Variants in LRP1B observed in about 807,000 individuals in gnomAD.
LRP1B encodes low-density lipoprotein receptor-related protein 1B.
LRP1B carries 217 observed loss-of-function variants against 556.6 expected under a neutral mutation model. The observed-to-expected ratio is 0.39, with a 90% confidence interval of 0.35 to 0.44. LRP1B has a LOEUF of 0.44. LRP1B is among the 20% of genes least tolerant of loss of function. LRP1B has a pLI of 1.00. For missense variants in LRP1B, 5,053 were observed against 5,620.8 expected (o/e 0.90, Z 3.23); for synonymous variants, 2,047 against 1,865.8 (o/e 1.10, Z -2.50).
At chr2:140,366,954 T>C (rs1490789262) in intron 71 of LRP1B, among the ~76,000 whole-genome samples, 1 of 151,636 alleles carries the variant, frequency 6.6e-6, no homozygotes, top group Non-Finnish European at 1.5e-5. Context: ...ATTAATGTAA[T>C]GAGTTTCTGG....
intron 7 of LRP1B, among the ~76,000 whole-genome samples, chr2:141,142,203 A>G (rs1701669889): frequency 6.6e-6 from 1 of 152,188 alleles, no homozygotes; most frequent in Non-Finnish European, 1.5e-5. Flanking sequence ...TTCTCACCAG[A>G]TGCTGTCTCA....
At chr2:142,068,300 G>A (rs929861301) in intron 1 of LRP1B, among the ~76,000 whole-genome samples, 1 of 151,424 alleles carries the variant, frequency 6.6e-6, no homozygotes, top group African/African-American at 2.4e-5. Context: ...CATATATTTT[G>A]TCTAATTGTG....
intron 2 of LRP1B, among the ~76,000 whole-genome samples, chr2:141,617,285 G>C (rs1244084362): frequency 1.3e-5 from 2 of 152,130 alleles, no homozygotes; most frequent in Non-Finnish European, 2.9e-5. Flanking sequence ...AAGAAGTTTA[G>C]GGAGAAGAAA....
chr2:141,209,138 A>G (rs964990996), intron 6 of LRP1B, among the ~76,000 whole-genome samples: 6 of 152,148 alleles, frequency 3.9e-5, no homozygotes, highest in Admixed American at 3.9e-4. Flanking sequence ...AAGGAAATCT[A>G]GAACTGATAC....
chr2:140,997,493 T>C (rs1323151660), intron 15 of LRP1B, among the ~76,000 whole-genome samples: 2 of 151,962 alleles, frequency 1.3e-5, no homozygotes, highest in East Asian at 3.9e-4. Flanking sequence ...CATGAAGAAG[T>C]TCTGATGTTT....
At chr2:141,048,115 C>T (rs1388551880) in intron 11 of LRP1B, among the ~76,000 whole-genome samples, 1 of 152,056 alleles carries the variant, frequency 6.6e-6, no homozygotes, top group Non-Finnish European at 1.5e-5. Context: ...CCTTTTATCT[C>T]CTGCGATATA....
intron 2 of LRP1B, among the ~76,000 whole-genome samples, chr2:141,795,900 A>ATATG (rs1553465421): frequency 1.3e-5 from 1 of 78,982 alleles, no homozygotes; most frequent in Non-Finnish European, 2.7e-5. Flanking sequence ...ATATATATAT[A>ATATG]ATCTTTAAGC....
chr2:141,058,095 C>A (rs1699232503), intron 9 of LRP1B, among the ~76,000 whole-genome samples: 1 of 151,708 alleles, frequency 6.6e-6, no homozygotes, highest in East Asian at 1.9e-4. Context: ...TAGAATAGTT[C>A]CTGGAACATA....
At chr2:141,831,014 C>A (rs1697096354) in intron 1 of LRP1B, among the ~76,000 whole-genome samples, 1 of 151,696 alleles carries the variant, frequency 6.6e-6, no homozygotes, top group African/African-American at 2.4e-5. Context: ...AAAAGTTTGA[C>A]ACTTTTCTTA....
chr2:141,044,018 T>A (rs1037464763), intron 11 of LRP1B, among the ~76,000 whole-genome samples: 3 of 151,878 alleles, frequency 2.0e-5, no homozygotes, highest in African/African-American at 7.3e-5. Flanking sequence ...GACTTCAAAC[T>A]ATACTACAAG....
At chr2:141,032,153 A>C (rs2105416132) in intron 11 of LRP1B, among the ~76,000 whole-genome samples, 1 of 152,170 alleles carries the variant, frequency 6.6e-6, no homozygotes, top group Non-Finnish European at 1.5e-5. Context: ...TCATTCTGCA[A>C]AAATATCTTT....
chr2:141,479,669 C>T (rs1682843897), intron 3 of LRP1B, among the ~76,000 whole-genome samples: 1 of 152,088 alleles, frequency 6.6e-6, no homozygotes, highest in Admixed American at 6.6e-5. Context: ...TGACTGATAC[C>T]TTGATTCTGC....
chr2:141,160,020 A>C (rs1679933375), intron 7 of LRP1B, among the ~76,000 whole-genome samples: 3 of 152,068 alleles, frequency 2.0e-5, no homozygotes, highest in South Asian at 4.2e-4. Context: ...GAGAGAACTT[A>C]GAGGGCAGGT....
At chr2:141,228,396 G>GGTGTGTGTGTGTATGA (rs905027437) in intron 6 of LRP1B, among the ~76,000 whole-genome samples, 1 of 150,600 alleles carries the variant, frequency 6.6e-6, no homozygotes, top group Non-Finnish European at 1.5e-5. Context: ...TGCATCTCTG[G>GGTGTGTGTGTGTATGA]GTGTGTGTGT....
At chr2:141,534,043 GAGAA>G (rs34536970) in intron 2 of LRP1B, among the ~76,000 whole-genome samples, 51,467 of 151,790 alleles carry the variant, frequency 0.34, 9,674 homozygotes, top group Non-Finnish European at 0.43. Flanking sequence ...GAAGGAAAAA[GAGAA>G]AGAGAGTGTG....
At chr2:141,132,743 G>A (rs1319221890) in intron 7 of LRP1B, among the ~76,000 whole-genome samples, 1 of 151,840 alleles carries the variant, frequency 6.6e-6, no homozygotes, top group Non-Finnish European at 1.5e-5. Context: ...CTCTATATAT[G>A]TATTGATCAA....
chr2:140,414,853 G>A (rs1021518473), intron 66 of LRP1B, among the ~76,000 whole-genome samples: 2 of 152,112 alleles, frequency 1.3e-5, no homozygotes, highest in Non-Finnish European at 2.9e-5. Context: ...CAACCATAAG[G>A]TCTGACTGCC....
intron 41 of LRP1B, among the ~76,000 whole-genome samples, chr2:140,647,955 T>C (rs948582305): frequency 6.6e-6 from 1 of 152,160 alleles, no homozygotes; most frequent in African/African-American, 2.4e-5. Context: ...ACCCAAAGGA[T>C]TATAAATCAT....
At chr2:141,609,936 A>G (rs1022862998) in intron 2 of LRP1B, among the ~76,000 whole-genome samples, 1 of 152,242 alleles carries the variant, frequency 6.6e-6, no homozygotes, top group Non-Finnish European at 1.5e-5. Context: ...GTTCAATAAC[A>G]GTACAGTACT....
Sources: gnomAD v4.1 joint callset for allele counts (sites outside exome capture counted in the v4.1 genomes callset) on GRCh38, gnomAD v4.1.1 for gene constraint, MANE v1.5 for transcripts, NCBI Gene and HGNC (gene_info 2026-07-23, HGNC 2026-07-21) for gene names.